The following INTS4 variants were observed in gnomAD, a reference collection of about 807,000 sequenced individuals.
The protein encoded by INTS4 is integrator complex subunit 4, also known as MSTP093.
INTS4 carries 70 observed loss-of-function variants against 119.5 expected under a neutral mutation model. The ratio of observed to expected loss-of-function variants is 0.59; its 90% CI spans 0.48 to 0.71. INTS4 has a LOEUF of 0.71. Ranked by LOEUF, INTS4 falls within the 30% of genes least tolerant of loss-of-function variation. The pLI, the probability that INTS4 is intolerant of heterozygous loss-of-function variation, is 0.00. For synonymous variants in INTS4, 316 were observed against 419.6 expected, an observed-to-expected ratio of 0.75 and a Z score of 3.02; for missense variants, 867 against 1,173.2, an observed-to-expected ratio of 0.74 and a Z score of 3.81.
At position 77,878,852 on chromosome 11, in the gene INTS4, G is replaced by A; in HGVS notation, c.*97C>T. 1 of 865,950 alleles carries A rather than the reference G, an allele frequency of 1.2e-6. No homozygotes were observed. The highest frequency in any genetic ancestry group is 2.0e-6 in the Non-Finnish European group (1 of 504,754). The allele number at this position is 865,950 out of a possible 1,614,324, so 53.6% of individuals were successfully genotyped here. A position where few individuals can be genotyped will look rare whatever the true frequency, so the allele number is the denominator to read the frequency against. ...ACTGTAAGGGTCACATACTCCTTAA[G>A]CCTACACATCAATTCCAGGTGAAGT... On this transcript the variant is annotated 3_prime_UTR_variant, in exon 23 of 23. Coordinates refer to ENST00000534064, the MANE Select transcript of INTS4 (RefSeq NM_033547.4).
In INTS4 at chr11:77,907,738, G is replaced by A; in HGVS notation, c.1995C>T (p.Arg665=). Residue 665 remains arginine, a synonymous_variant, in exon 16 of 23, where the codon CGC becomes CGT. Transcript: ENST00000534064. The part of the protein sequence containing the change: ...GVADFSATYL[R]CQLLLIKALQ... ...CAACCTTGATGAGAAGTAGTTGACA[G>A]CGAAGATAGGTGGCAGAGAAATCAG... 6.2e-7 allele frequency: 1 copy of A among 1,613,588 alleles called. No individual in the cohort carries two copies. Among genetic ancestry groups the A allele is most frequent in the Non-Finnish European group, 8.5e-7 (1 of 1,179,632 alleles).
At chr11:77,896,358 A>G (rs997601530) in intron 18 of INTS4, among the ~76,000 whole-genome samples, 1 of 152,232 alleles carries the variant, frequency 6.6e-6, no homozygotes, top group African/African-American at 2.4e-5. Flanking sequence ...AAAGCATATT[A>G]AAGAATTTAC....
chr11:77,931,632 G>T (rs1953652023), intron 10 of INTS4, among the ~76,000 whole-genome samples: 1 of 152,034 alleles, frequency 6.6e-6, no homozygotes, highest in South Asian at 2.1e-4. Flanking sequence ...ACATAGCCAA[G>T]ACAATTCTAA....
intron 10 of INTS4, among the ~76,000 whole-genome samples, chr11:77,929,682 G>A (rs550355622): frequency 5.9e-5 from 9 of 152,134 alleles, no homozygotes; most frequent in Non-Finnish European, 1.3e-4. Flanking sequence ...AAGGATACAC[G>A]CTTGGAATGA....
At chr11:77,893,532 C>T (rs1952367148) in intron 19 of INTS4, among the ~76,000 whole-genome samples, 2 of 152,126 alleles carry the variant, frequency 1.3e-5, no homozygotes, top group Admixed American at 6.5e-5. Context: ...TAGCTTTAGC[C>T]CACGAGTTCA....
intron 4 of INTS4, among the ~76,000 whole-genome samples, chr11:77,961,429 A>G (rs1281867619): frequency 1.3e-5 from 2 of 152,176 alleles, no homozygotes; most frequent in African/African-American, 4.8e-5. Flanking sequence ...GTACTTTAAA[A>G]TTCGTCCCTG....
At chr11:77,951,371 C>T (rs944135454) in intron 8 of INTS4, among the ~76,000 whole-genome samples, 7 of 152,222 alleles carry the variant, frequency 4.6e-5, no homozygotes, top group African/African-American at 1.7e-4. Context: ...TATCTACAAC[C>T]ATCTGATCTT....
intron 12 of INTS4, among the ~76,000 whole-genome samples, chr11:77,923,618 G>C (rs1029365371): frequency 1.3e-5 from 2 of 151,932 alleles, no homozygotes; most frequent in African/African-American, 4.8e-5. Flanking sequence ...GTTGCTATAC[G>C]CATTAAATAA....
chr11:77,885,964 G>A lies in INTS4; in HGVS notation c.2593-2012C>T, dbSNP rs73499836. Among the ~76,000 whole-genome samples, 536 of 152,264 alleles carry A rather than the reference G, an allele frequency of 3.5e-3. 7 individuals are homozygous for A. The highest frequency in any genetic ancestry group is 0.012 in the African/African-American group (496 of 41,534). On this transcript the variant is annotated intron_variant, in intron 21 of 22. Transcript: ENST00000534064. ...GCCTATAATCCCAGCATTTTGCGGG[G>A]CTGAGGCGGGAGGATTGCTTGAAGA...
chr11:77,918,119 G>A (rs1953246976), intron 15 of INTS4: 1 of 702,412 alleles, frequency 1.4e-6, no homozygotes, highest in Non-Finnish European at 2.6e-6. Flanking sequence ...GCTTGATGCA[G>A]AAGATGAAGA....
intron 4 of INTS4, among the ~76,000 whole-genome samples, chr11:77,967,895 A>G (rs1855564473): frequency 6.6e-6 from 1 of 152,182 alleles, no homozygotes; most frequent in Admixed American, 6.5e-5. Context: ...ACCAACAAGG[A>G]TACATTCTGA....
intron 18 of INTS4, among the ~76,000 whole-genome samples, chr11:77,900,360 A>T (rs1952735477): frequency 6.6e-6 from 1 of 152,148 alleles, no homozygotes; most frequent in Non-Finnish European, 1.5e-5. Context: ...TGGCCTCCCA[A>T]AGTGCTGGGA....
chr11:77,911,265 A>C, intron 15 of INTS4: 7 of 615,284 alleles, frequency 1.1e-5, no homozygotes, highest in Non-Finnish European at 1.5e-5. Context: ...GGGCCTACCC[A>C]AAGTGTGGGA....
At chr11:77,963,124 T>C (rs1039177462) in intron 4 of INTS4, among the ~76,000 whole-genome samples, 2 of 152,148 alleles carry the variant, frequency 1.3e-5, no homozygotes, top group Non-Finnish European at 2.9e-5. Flanking sequence ...ACAAACACTT[T>C]GATTTTCAAG....
At chr11:77,919,283 T>C (rs1953281258) in intron 14 of INTS4, among the ~76,000 whole-genome samples, 1 of 126,416 alleles carries the variant, frequency 7.9e-6, no homozygotes, top group African/African-American at 3.1e-5. Context: ...AGACTAAAAA[T>C]TGAACTGTTG....
chr11:77,988,066 TAAAGA>T (rs1856525257), intron 2 of INTS4, among the ~76,000 whole-genome samples: 1 of 152,160 alleles, frequency 6.6e-6, no homozygotes, highest in African/African-American at 2.4e-5. Flanking sequence ...AAAAATTTTT[TAAAGA>T]AAAGAACAAC....
chr11:77,921,888 G>A (rs530156256), intron 13 of INTS4, among the ~76,000 whole-genome samples: 5 of 152,142 alleles, frequency 3.3e-5, no homozygotes, highest in African/African-American at 7.2e-5. Flanking sequence ...AAAATTAGCC[G>A]GGAGTGGTGG....
intron 18 of INTS4, 151 bp from the exon 19 acceptor site, chr11:77,894,500 C>T (rs965221056): frequency 1.9e-6 from 1 of 535,846 alleles, no homozygotes; most frequent in Non-Finnish European, 3.4e-6. Flanking sequence ...TCCTAATGGA[C>T]CTGGGGGAAA....
chr11:77,923,808 A>G (rs1172179492), intron 12 of INTS4, among the ~76,000 whole-genome samples: 1 of 144,776 alleles, frequency 6.9e-6, no homozygotes, highest in African/African-American at 2.6e-5. Context: ...TCTGCTGCCC[A>G]GGCTGGCATG....
Sources: allele counts gnomAD v4.1 joint callset (sites outside exome capture counted in the v4.1 genomes callset), GRCh38; gene constraint gnomAD v4.1.1; transcripts MANE v1.5; gene names NCBI Gene and HGNC (gene_info 2026-07-23, HGNC 2026-07-21).